The following GALNT11 variants were observed in gnomAD, a reference collection of about 807,000 sequenced individuals.
GALNT11 encodes the protein UDP-GalNAc:polypeptide N-acetylgalactosaminyltransferase 11.
In GALNT11, 47 loss-of-function variants were observed where a neutral mutation model predicts 72.7. The ratio of observed to expected loss-of-function variants is 0.65; its 90% CI spans 0.51 to 0.82. The LOEUF is 0.82. Ranked by LOEUF, GALNT11 falls within the 40% of genes least tolerant of loss-of-function variation. The pLI is 0.00. For synonymous variants in GALNT11, 270 were observed against 286.6 expected, an observed-to-expected ratio of 0.94 and a Z score of 0.58; for missense variants, 677 against 778.4, an observed-to-expected ratio of 0.87 and a Z score of 1.55.
intron 8 of GALNT11, 136 bp downstream of exon 8, chr7:152,113,534 G>A: frequency 1.1e-6 from 1 of 940,600 alleles, no homozygotes; most frequent in Non-Finnish European, 1.5e-6. Flanking sequence ...ACTCTTTCTA[G>A]TTTCCCCCCA....
intron 1 of GALNT11, among the ~76,000 whole-genome samples, chr7:152,061,315 G>A (rs2084001792): frequency 6.6e-6 from 1 of 152,048 alleles, no homozygotes; most frequent in South Asian, 2.1e-4. Context: ...ACTTTTTGAT[G>A]GGGTTGTTTG....
At chr7:152,120,742 C>A in intron 10 of GALNT11, 89 bp from the exon 11 acceptor site, 1 of 1,185,960 alleles carries the variant, frequency 8.4e-7, no homozygotes, top group Admixed American at 1.9e-5. Flanking sequence ...GCTTTGAGAC[C>A]TTACAGAATC....
Position 152,113,712 on chromosome 7 carries a change from C to CTTTTTTTTTTTTTTTTTTTTTT in GALNT11, c.1233+335_1233+356dup, listed in dbSNP as rs6150397. Among the ~76,000 whole-genome samples, 10 of 97,026 alleles carry CTTTTTTTTTTTTTTTTTTTTTT rather than the reference C, an allele frequency of 1.0e-4. 1 individual carries two copies. The highest frequency in any genetic ancestry group is 3.1e-4 in the South Asian group (1 of 3,194). 63.7% of individuals were successfully genotyped at this position (97,026 alleles called of 152,430 possible). The stretch of plus-strand genomic sequence containing the variant: ...TGTGACGCCTGCAAAAGTTGGCTTT[C>CTTTTTTTTTTTTTTTTTTTTTT]TTTTTTTTTTTTTTTTTTTTTTTTT... On this transcript the variant is annotated intron_variant, in intron 8 of 11. Coordinates refer to ENST00000430044, the MANE Select transcript of GALNT11 (RefSeq NM_022087.4).
At chr7:152,062,036 A>G (rs2084046322) in intron 1 of GALNT11, among the ~76,000 whole-genome samples, 2 of 152,162 alleles carry the variant, frequency 1.3e-5, no homozygotes, top group African/African-American at 4.8e-5. Flanking sequence ...CTTGATAGGG[A>G]TGGCATTGAA....
At chr7:152,084,277 C>T (rs2085494507) in intron 1 of GALNT11, among the ~76,000 whole-genome samples, 2 of 149,658 alleles carry the variant, frequency 1.3e-5, no homozygotes, top group Non-Finnish European at 2.9e-5. Flanking sequence ...TAGTGGTGCA[C>T]ACCTGTAATC....
chr7:152,037,487 G>C (rs2082636717), intron 1 of GALNT11, among the ~76,000 whole-genome samples: 1 of 152,112 alleles, frequency 6.6e-6, no homozygotes, highest in Non-Finnish European at 1.5e-5. Context: ...ATTTGAAGTT[G>C]TAATTTGGGG....
Position 152,086,272 on chromosome 7 carries a change from A to C in GALNT11, c.-38-7918A>C, listed in dbSNP as rs141886657. On this transcript the variant is annotated intron_variant, in intron 1 of 11. Coordinates refer to ENST00000430044, the MANE Select transcript of GALNT11 (RefSeq NM_022087.4). Reference sequence around the variant, plus strand: ...ACTCCAGATCTCAGGTGATCTACCCACCTTGGCCTACCAAAGTTCTGGGAT... The same window carrying C: ...ACTCCAGATCTCAGGTGATCTACCCCCCTTGGCCTACCAAAGTTCTGGGAT... Among the ~76,000 whole-genome samples the C allele has an allele frequency of 1.1e-3, 168 of 152,172 alleles. 1 individual carries two copies. The highest frequency in any genetic ancestry group is 3.9e-3 in the African/African-American group (163 of 41,520).
Position 152,113,234 on chromosome 7 carries a change from G to T in GALNT11, c.1081-12G>T. The T allele has an allele frequency of 6.3e-7, 1 of 1,590,310 alleles. No individual in the cohort carries two copies. Among genetic ancestry groups the T allele is most frequent in the Non-Finnish European group, 8.5e-7 (1 of 1,170,484 alleles). The stretch of plus-strand genomic sequence containing the variant: ...GAGGCAACTGTTAACACCTGTTTTT[G>T]CTTCTGGCCAGATCTGGATGTGTGG... On this transcript the variant is annotated splice_polypyrimidine_tract_variant and intron_variant, in intron 7 of 11. Transcript: ENST00000430044.
intron 1 of GALNT11, among the ~76,000 whole-genome samples, chr7:152,081,406 C>T (rs1416727179): frequency 2.6e-5 from 4 of 152,162 alleles, no homozygotes; most frequent in Middle Eastern, 3.4e-3. Flanking sequence ...ATGATGATGC[C>T]GGAATGTAAA....
rs1587440440 is a variant in GALNT11, at chr7:152,110,452, C to G, written c.963-76C>G. 3 of 977,620 alleles carry G rather than the reference C, an allele frequency of 3.1e-6. No homozygotes were observed. The East Asian group carries it at 7.2e-5, about 24-fold the overall frequency. 60.6% of individuals were successfully genotyped at this position (977,620 alleles called of 1,614,324 possible). On this transcript the variant is annotated intron_variant, in intron 6 of 11. Coordinates refer to ENST00000430044, the MANE Select transcript of GALNT11 (RefSeq NM_022087.4). The stretch of plus-strand genomic sequence containing the variant: ...TTATTAGTTATGTTCCAAAATGACA[C>G]TGAGTATTTTAAACAAAAGTAGTAG...
intron 6 of GALNT11, among the ~76,000 whole-genome samples, chr7:152,109,679 T>A (rs1319796351): frequency 6.6e-6 from 1 of 152,254 alleles, no homozygotes; most frequent in Non-Finnish European, 1.5e-5. Flanking sequence ...GTTATTTATT[T>A]GTTGCTTATT....
Position 152,108,295 on chromosome 7 carries a change from C to T in GALNT11, c.962+8C>T, listed in dbSNP as rs751501033. 3.8e-6 allele frequency: 6 copies of T among 1,596,164 alleles called. No individual in the cohort carries two copies. The highest frequency in any genetic ancestry group is 1.3e-5 in the African/African-American group (1 of 74,658). On this transcript the variant is annotated splice_region_variant and intron_variant, in intron 6 of 11. Coordinates refer to ENST00000430044, the MANE Select transcript of GALNT11 (RefSeq NM_022087.4). ...AGCCACTGCACCAATAAAGTAAGATCGCTCCTTTGTTTGACAAATTCCTAC... is the reference window on the plus strand; with the variant it reads ...AGCCACTGCACCAATAAAGTAAGATTGCTCCTTTGTTTGACAAATTCCTAC...
chr7:152,067,915 G>A (rs2084404725), intron 1 of GALNT11, among the ~76,000 whole-genome samples: 1 of 152,100 alleles, frequency 6.6e-6, no homozygotes, highest in African/African-American at 2.4e-5. Flanking sequence ...GGTGAAGGGG[G>A]AGCAGACACG....
At position 152,108,160 on chromosome 7, in the gene GALNT11, G is replaced by A. The variant is rs368294025; in HGVS notation, c.835G>A (p.Ala279Thr). ...VVCPVIDIIS[A>T]DTLAYSSSPV... Reference sequence around the variant, plus strand: ...GTGCCCAGTGATTGACATCATCAGCGCCGACACGCTGGCCTACAGCTCGTC... The same window carrying A: ...GTGCCCAGTGATTGACATCATCAGCACCGACACGCTGGCCTACAGCTCGTC... Residue 279 changes from alanine (A) to threonine (T), a missense_variant, in exon 6 of 12, where the codon GCC becomes ACC. Physicochemically the swap from Ala to Thr is moderately conservative, Grantham distance 58. Coordinates refer to ENST00000430044, the MANE Select transcript of GALNT11 (RefSeq NM_022087.4). 11 of 1,614,100 alleles carry A rather than the reference G, an allele frequency of 6.8e-6. No homozygotes were observed. The highest frequency in any genetic ancestry group is 1.7e-5 in the Admixed American group (1 of 60,012).
chr7:152,115,498 G>A (rs1002707361), intron 8 of GALNT11, among the ~76,000 whole-genome samples: 2 of 152,194 alleles, frequency 1.3e-5, no homozygotes, highest in African/African-American at 2.4e-5. Context: ...ACTGAAGTAC[G>A]GTGCTTGGTT....
intron 1 of GALNT11, among the ~76,000 whole-genome samples, chr7:152,083,695 A>G (rs1426127383): frequency 6.6e-6 from 1 of 152,184 alleles, no homozygotes; most frequent in Admixed American, 6.5e-5. Flanking sequence ...AATGAACTTT[A>G]TAATTAACTT....
intron 1 of GALNT11, among the ~76,000 whole-genome samples, chr7:152,026,467 C>T (rs971359722): frequency 2.6e-5 from 4 of 152,180 alleles, no homozygotes; most frequent in Non-Finnish European, 4.4e-5. Context: ...ACATCTTTAC[C>T]CTGAAACAGT....
At chr7:152,033,560 C>T (rs1290651019) in intron 1 of GALNT11, among the ~76,000 whole-genome samples, 1 of 152,222 alleles carries the variant, frequency 6.6e-6, no homozygotes, top group Non-Finnish European at 1.5e-5. Flanking sequence ...AATTGACTCT[C>T]AAGTGAGTCT....
chr7:152,107,403 A>G (rs1018216393), intron 5 of GALNT11: 4 of 152,146 alleles, frequency 2.6e-5, no homozygotes, highest in African/African-American at 9.7e-5. Context: ...GGCAGTAGAA[A>G]GGAAAGGTGG....
Sources: gnomAD v4.1 joint callset for allele counts (sites outside exome capture counted in the v4.1 genomes callset) on GRCh38, gnomAD v4.1.1 for gene constraint, MANE v1.5 for transcripts, NCBI Gene and HGNC (gene_info 2026-07-23, HGNC 2026-07-21) for gene names.